Variants in STIM1 observed in about 807,000 individuals in gnomAD.
The protein encoded by STIM1 is stromal interaction molecule 1.
A neutral mutation model predicts 74.7 loss-of-function variants in STIM1; 25 were observed. The observed-to-expected ratio is 0.33, with a 90% CI of 0.24 to 0.47. The LOEUF (loss-of-function observed/expected upper bound fraction) is 0.47. Among genes scored for constraint, STIM1 ranks in the 20% least tolerant of loss-of-function variants. The pLI, the probability that STIM1 is intolerant of heterozygous loss-of-function variation, is 1.00. For synonymous variants in STIM1, 328 were observed against 348.8 expected (o/e 0.94, Z 0.66); for missense variants, 728 against 920.8 (o/e 0.79, Z 2.71).
chr11:4,014,033 T>C (rs192923092), intron 2 of STIM1, among the ~76,000 whole-genome samples: 4 of 152,234 alleles, frequency 2.6e-5, no homozygotes, highest in Non-Finnish European at 5.9e-5. Context: ...GAAGGGTTTT[T>C]TGTGTCTCTA....
rs2093352256 is a variant in STIM1 at position 3,967,664 on chromosome 11, T to C, written c.252T>C (p.Asp84=). The change falls in exon 2 of 13, where the codon GAT becomes GAC. Residue 84 remains aspartate, a synonymous_variant. Transcript: ENST00000526596. ...LMDDDANGDV[D]VEESDEFLRE... ...ACGATGATGCCAATGGTGATGTGGA[T>C]GTGGAAGAAAGTGATGAGGTGAGCT... is the stretch of plus-strand genomic sequence containing the variant. The C allele has an allele frequency of 6.2e-7, 1 of 1,614,122 alleles. No homozygotes were observed. The highest frequency in any genetic ancestry group is 8.5e-7 in the Non-Finnish European group (1 of 1,180,036).
rs75039656 is a variant in STIM1 at position 3,964,454 on chromosome 11, T to G, written c.140-3098T>G. Among the ~76,000 whole-genome samples, 577 of 152,320 alleles carry G rather than the reference T, an allele frequency of 3.8e-3. 3 individuals carry two copies. Among genetic ancestry groups the G allele is most frequent in the African/African-American group, 0.013 (542 of 41,570 alleles). On this transcript the variant is annotated intron_variant, in intron 1 of 12. Coordinates refer to ENST00000526596, the MANE Select transcript of STIM1 (RefSeq NM_001382567.1). ...ATCCCTTTAATCCTTCTCTATGTCA[T>G]CTGATGCTAGCAGCAAAGGTCACCT...
At chr11:3,862,020 G>T (rs1219206178) in intron 1 of STIM1, among the ~76,000 whole-genome samples, 1 of 152,098 alleles carries the variant, frequency 6.6e-6, no homozygotes, top group African/African-American at 2.4e-5. Context: ...AACTCAGCAG[G>T]TTTGGTTGTT....
chr11:3,938,703 C>A (rs2092966878), intron 1 of STIM1, among the ~76,000 whole-genome samples: 1 of 152,002 alleles, frequency 6.6e-6, no homozygotes, highest in African/African-American at 2.4e-5. Flanking sequence ...AAAAATGAGC[C>A]TGGTGTGGTG....
intron 1 of STIM1, among the ~76,000 whole-genome samples, chr11:3,873,220 A>G (rs1403824910): frequency 1.3e-5 from 2 of 152,088 alleles, no homozygotes; most frequent in Non-Finnish European, 2.9e-5. Flanking sequence ...GTTCGAGAGC[A>G]GCCTGACCAA....
At chr11:4,048,504 T>G (rs1260605123) in intron 3 of STIM1, among the ~76,000 whole-genome samples, 1 of 152,148 alleles carries the variant, frequency 6.6e-6, no homozygotes, top group African/African-American at 2.4e-5. Context: ...CATATCTGTA[T>G]TGCTGGGTAC....
At chr11:3,875,389 G>A (rs555465707) in intron 1 of STIM1, among the ~76,000 whole-genome samples, 2 of 151,998 alleles carry the variant, frequency 1.3e-5, no homozygotes, top group East Asian at 1.9e-4. Flanking sequence ...TGTATACTTC[G>A]TGTTTAACAT....
chr11:3,938,842 C>A (rs150473566), intron 1 of STIM1, among the ~76,000 whole-genome samples: 326 of 152,082 alleles, frequency 2.1e-3, no homozygotes, highest in Non-Finnish European at 3.8e-3. Flanking sequence ...GCACGACTGT[C>A]CCAAAAAAAG....
chr11:4,014,567 T>C (rs2093876610), intron 2 of STIM1, among the ~76,000 whole-genome samples: 1 of 152,226 alleles, frequency 6.6e-6, no homozygotes, highest in African/African-American at 2.4e-5. Flanking sequence ...CTATTAGGTC[T>C]GCTTGGTCCA....
intron 1 of STIM1, among the ~76,000 whole-genome samples, chr11:3,900,513 C>T (rs954079428): frequency 1.3e-5 from 2 of 152,192 alleles, no homozygotes; most frequent in African/African-American, 4.8e-5. Flanking sequence ...GCAGAAATCA[C>T]CATCTTCTGC....
At chr11:4,086,875 C>T (rs1235460971) in intron 12 of STIM1, 1 of 1,525,422 alleles carries the variant, frequency 6.6e-7, no homozygotes, top group Non-Finnish European at 8.8e-7. Context: ...TCAGCTGTCT[C>T]TCTTTTCTTT....
chr11:4,045,195 C>T (rs2094181093), intron 3 of STIM1, among the ~76,000 whole-genome samples: 1 of 152,198 alleles, frequency 6.6e-6, no homozygotes, highest in East Asian at 1.9e-4. Flanking sequence ...AAGTAGCCTT[C>T]TTTCCACTAC....
At chr11:4,063,187 T>G (rs2094343010) in intron 5 of STIM1, among the ~76,000 whole-genome samples, 1 of 152,194 alleles carries the variant, frequency 6.6e-6, no homozygotes, top group African/African-American at 2.4e-5. Flanking sequence ...ATTCTAACAT[T>G]AATTTTGCCA....
intron 1 of STIM1, among the ~76,000 whole-genome samples, chr11:3,966,182 G>A (rs983032071): frequency 1.3e-5 from 2 of 152,168 alleles, no homozygotes; most frequent in African/African-American, 2.4e-5. Flanking sequence ...GCTGGCCTGG[G>A]AGTCAGCAGA....
chr11:4,045,447 A>G (rs564789540), intron 3 of STIM1, among the ~76,000 whole-genome samples: 2 of 149,788 alleles, frequency 1.3e-5, no homozygotes. Flanking sequence ...TTTAACTTCC[A>G]TCAGCATTTT....
intron 6 of STIM1, among the ~76,000 whole-genome samples, chr11:4,071,641 T>C (rs1182802353): frequency 1.3e-5 from 2 of 152,212 alleles, no homozygotes; most frequent in Non-Finnish European, 2.9e-5. Context: ...TGCCCAGCCA[T>C]TGTGTTATTT....
chr11:3,905,608 G>A lies in STIM1; in HGVS notation c.139+49199G>A, dbSNP rs531782725. Among the ~76,000 whole-genome samples the A allele has an allele frequency of 1.2e-4, 18 of 152,252 alleles. No homozygotes were observed. The South Asian group carries it at 1.2e-3, about 11-fold the overall frequency. On this transcript the variant is annotated intron_variant, in intron 1 of 12. Transcript: ENST00000526596. ...TCATTGCACCATTTATTGAGTAACC[G>A]CTGCATGCCAGGCATTTTTCTAGAT...
At chr11:4,021,223 T>G (rs1056776984) in intron 2 of STIM1, among the ~76,000 whole-genome samples, 8 of 152,196 alleles carry the variant, frequency 5.3e-5, no homozygotes, top group African/African-American at 1.9e-4. Context: ...CTTCCTGGGT[T>G]CAAGTGATTC....
intron 3 of STIM1, among the ~76,000 whole-genome samples, chr11:4,051,563 G>C (rs1472439723): frequency 6.6e-6 from 1 of 151,918 alleles, no homozygotes; most frequent in African/African-American, 2.4e-5. Flanking sequence ...GGATGGTCTT[G>C]AACTCTTGAG....
Sources: allele counts gnomAD v4.1 joint callset (sites outside exome capture counted in the v4.1 genomes callset), GRCh38; gene constraint gnomAD v4.1.1; transcripts MANE v1.5; gene names NCBI Gene and HGNC (gene_info 2026-07-23, HGNC 2026-07-21).